Variants in IL3 observed in about 807,000 individuals in gnomAD.
IL3 encodes interleukin-3.
In IL3, 15 loss-of-function variants were observed where a neutral mutation model predicts 15.4. The observed-to-expected ratio is 0.97, with a 90% CI of 0.65 to 1.50. IL3 has a LOEUF of 1.50. Ranked by LOEUF, IL3 falls within the 40% of genes most tolerant of loss-of-function variation. The pLI is 0.00. For missense variants in IL3, 162 were observed against 192.2 expected (o/e 0.84, Z 0.93); for synonymous variants, 74 against 79.3 (o/e 0.93, Z 0.36).
rs1756507696 is a variant in IL3, at chr5:132,062,834, C to G, written c.*43C>G. The G allele has an allele frequency of 6.3e-7, 1 of 1,580,736 alleles. No individual in the cohort carries two copies. Among genetic ancestry groups the G allele is most frequent in the Non-Finnish European group, 8.6e-7 (1 of 1,162,420 alleles). ...TTCTCTGGGCCTTCTCACCACAGAGCCTCGGGACATCAAAAACAGCAGAAC... is the reference window on the plus strand; with the variant it reads ...TTCTCTGGGCCTTCTCACCACAGAGGCTCGGGACATCAAAAACAGCAGAAC... On this transcript the variant is annotated 3_prime_UTR_variant, in exon 5 of 5. Coordinates refer to ENST00000296870, the MANE Select transcript of IL3 (RefSeq NM_000588.4).
At chr5:132,061,743 C>A (rs1756481923) in intron 2 of IL3, among the ~76,000 whole-genome samples, 1 of 150,116 alleles carries the variant, frequency 6.7e-6, no homozygotes, top group Non-Finnish European at 1.5e-5. Context: ...GCAGAAAGAT[C>A]CACCTAGGTA....
At chr5:132,062,626 C>T (rs763707695) in intron 4 of IL3, 43 bp from the exon 5 acceptor site, 8 of 1,613,086 alleles carry the variant, frequency 5.0e-6, no homozygotes, top group South Asian at 2.2e-5. Context: ...ATCACCATTA[C>T]AGCCTGGACT....
chr5:132,061,084 C>A (rs1756469738), intron 2 of IL3, 76 bp downstream of exon 2: 4 of 1,364,524 alleles, frequency 2.9e-6, no homozygotes, highest in East Asian at 4.6e-5. Flanking sequence ...TCTTACCTAG[C>A]CTTGCTTTCT....
chr5:132,062,281 TC>T (rs1561832766), intron 2 of IL3, 30 bp from the exon 3 acceptor site: 2 of 1,537,602 alleles, frequency 1.3e-6, no homozygotes. Context: ...CTGTAACCTT[TC>T]CCCCTTAAGT....
chr5:132,062,504 C>T, intron 3 of IL3, 22 bp from the exon 4 acceptor site: 1 of 1,614,208 alleles, frequency 6.2e-7, no homozygotes. Flanking sequence ...CTCTGACCAT[C>T]TGCTTTGGTC....
intron 3 of IL3, 27 bp from the exon 4 acceptor site, chr5:132,062,499 A>G: frequency 6.2e-7 from 1 of 1,613,996 alleles, no homozygotes; most frequent in Non-Finnish European, 8.5e-7. Flanking sequence ...GGAATCTCTG[A>G]CCATCTGCTT....
intron 2 of IL3, 50 bp downstream of exon 2, chr5:132,061,058 C>T (rs1307826155): frequency 6.4e-7 from 1 of 1,559,142 alleles, no homozygotes; most frequent in Non-Finnish European, 8.8e-7. Context: ...TGGGTGACTT[C>T]AGCCATGTCA....
At chr5:132,062,646 C>A in intron 4 of IL3, 23 bp from the exon 5 acceptor site, 1 of 1,613,940 alleles carries the variant, frequency 6.2e-7, no homozygotes, top group Non-Finnish European at 8.5e-7. Flanking sequence ...TCACCTAATG[C>A]CACCTTCTTG....
rs764420329 is a variant in IL3 at position 132,062,298 on chromosome 5, C to T, written c.205-14C>T. On this transcript the variant is annotated splice_polypyrimidine_tract_variant and intron_variant, in intron 2 of 4. Transcript: ENST00000296870. The stretch of plus-strand genomic sequence containing the variant: ...GTAACCTTTCCCCCTTAAGTGTATT[C>T]TCTGCCCCGTTAGGAAAATAACCTT... 3.7e-6 allele frequency: 6 copies of T among 1,601,228 alleles called. No homozygotes were observed. Among genetic ancestry groups the T allele is most frequent in the African/African-American group, 2.7e-5 (2 of 74,686 alleles).
chr5:132,061,769 T>A (rs748609103), intron 2 of IL3, among the ~76,000 whole-genome samples: 660 of 20,944 alleles, frequency 0.032, 8 homozygotes, highest in South Asian at 0.054. Context: ...TCCCCACCCA[T>A]TTTTTTTTTT....
In IL3 at chr5:132,060,869, G is replaced by A. The variant is rs200626218; in HGVS notation, c.162+1G>A. The A allele has an allele frequency of 3.7e-6, 6 of 1,613,912 alleles. No homozygotes were observed. The highest frequency in any genetic ancestry group is 2.2e-5 in the South Asian group (2 of 91,070). The stretch of plus-strand genomic sequence containing the variant: ...AAAGCAGCCACCTTTGCCTTTGCTG[G>A]TGAGTAGCTTGGATAAGACTGGCCT... On this transcript the variant is annotated splice_donor_variant, in intron 1 of 4. Transcript: ENST00000296870. LOFTEE classifies it high-confidence loss of function.
At chr5:132,062,502 A>G in intron 3 of IL3, 24 bp from the exon 4 acceptor site, 1 of 1,614,142 alleles carries the variant, frequency 6.2e-7, no homozygotes, top group South Asian at 1.1e-5. Flanking sequence ...ATCTCTGACC[A>G]TCTGCTTTGG....
rs1203524459 is a variant in IL3 at position 132,063,109 on chromosome 5, C to CA, written c.*324dup. ...GAGGAGCCATGTCCTGCTGCTTCTG[C>CA]AAAAAACTCAGAGTGGGGTGGGGAG... is the stretch of plus-strand genomic sequence containing the variant. On this transcript the variant is annotated 3_prime_UTR_variant, in exon 5 of 5. Coordinates refer to ENST00000296870, the MANE Select transcript of IL3 (RefSeq NM_000588.4). 8.3e-6 allele frequency: 2 copies of CA among 240,466 alleles called. No homozygotes were observed. Among genetic ancestry groups the CA allele is most frequent in the Non-Finnish European group, 1.6e-5 (2 of 123,634 alleles). The allele number at this position is 240,466 out of a possible 1,614,324, so 14.9% of individuals were successfully genotyped here.
chr5:132,061,726 C>T (rs1756481719), intron 2 of IL3, among the ~76,000 whole-genome samples: 2 of 151,604 alleles, frequency 1.3e-5, no homozygotes, highest in South Asian at 4.2e-4. Flanking sequence ...TATTTTTTCC[C>T]CCAAGTGCAG....
chr5:132,062,716 G>A lies in IL3; in HGVS notation c.384G>A (p.Arg128=). ...ACGGTGACTGGAATGAATTCCGGAG[G>A]AAACTGACGTTCTATCTGAAAACCC... ...IKDGDWNEFR[R]KLTFYLKTLE... The change falls in exon 5 of 5, where the codon AGG becomes AGA. Residue 128 remains arginine (R), a synonymous_variant. Coordinates refer to ENST00000296870, the MANE Select transcript of IL3 (RefSeq NM_000588.4). 6.2e-7 allele frequency: 1 copy of A among 1,614,212 alleles called. No homozygotes were observed. The highest frequency in any genetic ancestry group is 8.5e-7 in the Non-Finnish European group (1 of 1,180,036).
rs1229248309 is a variant in IL3, at chr5:132,060,768, C to T, written c.62C>T (p.Pro21Leu). The change falls in exon 1 of 5, where the codon CCC (proline) becomes CTC (leucine). Residue 21 changes from proline to leucine, a missense_variant. Coordinates refer to ENST00000296870, the MANE Select transcript of IL3 (RefSeq NM_000588.4). ...CTGGTCCGCCCCGGACTCCAAGCTCCCATGACCCAGACAACGCCCTTGAAG... is the reference window on the plus strand; with the variant it reads ...CTGGTCCGCCCCGGACTCCAAGCTCTCATGACCCAGACAACGCCCTTGAAG... ...QLLVRPGLQA[P>L]MTQTTPLKTS... 1 of 1,614,172 alleles carries T rather than the reference C, an allele frequency of 6.2e-7. No individual in the cohort carries two copies. The highest frequency in any genetic ancestry group is 8.5e-7 in the Non-Finnish European group (1 of 1,180,032).
intron 2 of IL3, 103 bp from the exon 3 acceptor site, chr5:132,062,209 T>C: frequency 1.1e-6 from 1 of 933,326 alleles, no homozygotes. Flanking sequence ...CCCGAGGATG[T>C]CCCCAACAGT....
rs565107713 is a variant in IL3, at chr5:132,062,922, C to T, written c.*131C>T. On this transcript the variant is annotated 3_prime_UTR_variant, in exon 5 of 5. Coordinates refer to ENST00000296870, the MANE Select transcript of IL3 (RefSeq NM_000588.4). ...ACCAGAAGCATTTCACCTTTTCCTG[C>T]GGCATCAGATGAATTGTTAATTATC... The T allele has an allele frequency of 6.0e-5, 74 of 1,224,566 alleles. 2 individuals are homozygous for T. The South Asian group carries it at 9.6e-4, about 16-fold the overall frequency. 75.9% of individuals were successfully genotyped at this position (1,224,566 alleles called of 1,614,324 possible). A position where few individuals can be genotyped will look rare whatever the true frequency, so the allele number is the denominator to read the frequency against.
Position 132,062,852 on chromosome 5 carries a change from A to G in IL3, c.*61A>G. ...CACAGAGCCTCGGGACATCAAAAAC[A>G]GCAGAACTTCTGAAACCTCTGGGTC... On this transcript the variant is annotated 3_prime_UTR_variant, in exon 5 of 5. Coordinates refer to ENST00000296870, the MANE Select transcript of IL3 (RefSeq NM_000588.4). 1.9e-6 allele frequency: 3 copies of G among 1,560,242 alleles called. No individual in the cohort carries two copies. Among genetic ancestry groups the G allele is most frequent in the South Asian group, 2.4e-5 (2 of 83,026 alleles).
Sources: allele counts gnomAD v4.1 joint callset (sites outside exome capture counted in the v4.1 genomes callset), GRCh38; gene constraint gnomAD v4.1.1; transcripts MANE v1.5; gene names NCBI Gene and HGNC (gene_info 2026-07-23, HGNC 2026-07-21).